LRP1B: variants seen among roughly 807,000 people sequenced by gnomAD.
LRP1B encodes LDL receptor related protein 1B.
Under a neutral mutation model 556.6 loss-of-function variants are expected in LRP1B, and 217 were observed. The ratio of observed to expected loss-of-function variants is 0.39; its 90% CI spans 0.35 to 0.44. The LOEUF (loss-of-function observed/expected upper bound fraction) is 0.44. Among genes scored for constraint, LRP1B ranks in the 20% least tolerant of loss-of-function variants. The probability of loss-of-function intolerance (pLI) is 1.00; values close to 1 mark genes in which losing one functional copy is unlikely to be tolerated. For synonymous variants in LRP1B, 2,047 were observed against 1,865.8 expected (o/e 1.10, Z -2.50); for missense variants, 5,053 against 5,620.8 (o/e 0.90, Z 3.23).
chr2:140,892,913 AT>A (rs1693841736), intron 23 of LRP1B, among the ~76,000 whole-genome samples: 1 of 152,198 alleles, frequency 6.6e-6, no homozygotes, highest in Non-Finnish European at 1.5e-5. Context: ...TATAATACCA[AT>A]TACATAATTA....
chr2:140,522,235 A>G (rs557354653), intron 49 of LRP1B, among the ~76,000 whole-genome samples: 1 of 152,128 alleles, frequency 6.6e-6, no homozygotes, highest in African/African-American at 2.4e-5. Context: ...CTCAGGCCTC[A>G]GTGAAATAAA....
intron 41 of LRP1B, among the ~76,000 whole-genome samples, chr2:140,626,851 A>T (rs1683681641): frequency 6.6e-6 from 1 of 152,170 alleles, no homozygotes; most frequent in African/African-American, 2.4e-5. Context: ...ACAATTTTTA[A>T]ATGCAATATA....
chr2:141,969,895 T>G (rs1701679673), intron 1 of LRP1B, among the ~76,000 whole-genome samples: 1 of 151,650 alleles, frequency 6.6e-6, no homozygotes, highest in Non-Finnish European at 1.5e-5. Flanking sequence ...CCACTAAGGT[T>G]TGTGGAAATA....
chr2:140,987,462 C>T (rs768893524), intron 17 of LRP1B, among the ~76,000 whole-genome samples: 12 of 152,016 alleles, frequency 7.9e-5, no homozygotes, highest in Non-Finnish European at 1.5e-4. Context: ...GTTTTATTTG[C>T]TCTTATACAT....
chr2:141,761,303 T>C (rs1469196828), intron 2 of LRP1B, among the ~76,000 whole-genome samples: 1 of 152,116 alleles, frequency 6.6e-6, no homozygotes, highest in Non-Finnish European at 1.5e-5. Context: ...CCAAAACTCT[T>C]TGTTCATATA....
intron 2 of LRP1B, among the ~76,000 whole-genome samples, chr2:141,800,017 A>G (rs13404180): frequency 0.44 from 66,912 of 151,922 alleles, 15,832 homozygotes; most frequent in Admixed American, 0.55. Context: ...AACAATTTAA[A>G]TCTTCTCTCC....
intron 7 of LRP1B, among the ~76,000 whole-genome samples, chr2:141,158,731 G>C (rs1404996770): frequency 6.6e-6 from 1 of 152,160 alleles, no homozygotes; most frequent in Non-Finnish European, 1.5e-5. Flanking sequence ...CCTTCTGTCT[G>C]CAAACTGTAA....
At chr2:141,139,450 A>C (rs1701576432) in intron 7 of LRP1B, among the ~76,000 whole-genome samples, 3 of 151,850 alleles carry the variant, frequency 2.0e-5, no homozygotes, top group Admixed American at 2.0e-4. Flanking sequence ...TAAGGCTTTT[A>C]TCTGATAAAA....
chr2:140,528,477 T>C (rs1690535654), intron 47 of LRP1B, among the ~76,000 whole-genome samples: 1 of 151,480 alleles, frequency 6.6e-6, no homozygotes, highest in South Asian at 2.1e-4. Flanking sequence ...GAGTAGAAGA[T>C]TTGCAGGATG....
At chr2:141,674,140 A>G (rs997423568) in intron 2 of LRP1B, among the ~76,000 whole-genome samples, 3 of 152,114 alleles carry the variant, frequency 2.0e-5, no homozygotes, top group South Asian at 2.1e-4. Flanking sequence ...AATCTTATAC[A>G]TTAACATGGG....
chr2:140,258,681 T>A (rs1488185253), intron 86 of LRP1B, among the ~76,000 whole-genome samples: 1 of 152,112 alleles, frequency 6.6e-6, no homozygotes, highest in Non-Finnish European at 1.5e-5. Flanking sequence ...ACATTTTTAA[T>A]CCTCAAAACA....
chr2:140,345,859 C>T (rs192696469), intron 77 of LRP1B, among the ~76,000 whole-genome samples: 2,993 of 131,780 alleles, frequency 0.023, 87 homozygotes, highest in African/African-American at 0.052. Flanking sequence ...CACACACACA[C>T]ACATATATAT....
chr2:140,435,237 C>T (rs930360038), intron 66 of LRP1B, among the ~76,000 whole-genome samples: 1 of 150,558 alleles, frequency 6.6e-6, no homozygotes, highest in Admixed American at 6.6e-5. Context: ...ATATTTCTTA[C>T]ATATTTTGTT....
At chr2:141,118,338 G>A in intron 7 of LRP1B, among the ~76,000 whole-genome samples, 1 of 151,806 alleles carries the variant, frequency 6.6e-6, no homozygotes, top group East Asian at 1.9e-4. Flanking sequence ...CCTTGTAGAT[G>A]CACCTCCAAA....
intron 54 of LRP1B, 51 bp from the exon 55 acceptor site, chr2:140,501,925 T>G (rs113701752): frequency 7.6e-7 from 1 of 1,315,362 alleles, no homozygotes; most frequent in Admixed American, 2.3e-5. Flanking sequence ...CATTGTTTTA[T>G]ACTACAGTTG....
At chr2:141,100,640 A>G (rs1040648810) in intron 7 of LRP1B, among the ~76,000 whole-genome samples, 1 of 152,180 alleles carries the variant, frequency 6.6e-6, no homozygotes, top group African/African-American at 2.4e-5. Context: ...CCTAGAAGAA[A>G]GGAAACCTGG....
intron 29 of LRP1B, among the ~76,000 whole-genome samples, chr2:140,843,056 GT>G (rs532264946): frequency 3.6e-5 from 1 of 28,072 alleles, no homozygotes; most frequent in Non-Finnish European, 7.3e-5. Context: ...CTCCAAAGTG[GT>G]TTTTTTTTTG....
At chr2:140,326,250 T>G (rs982828296) in intron 79 of LRP1B, among the ~76,000 whole-genome samples, 1 of 152,202 alleles carries the variant, frequency 6.6e-6, no homozygotes, top group Non-Finnish European at 1.5e-5. Flanking sequence ...ATTCATTATT[T>G]AAATCATTTA....
intron 2 of LRP1B, among the ~76,000 whole-genome samples, chr2:141,539,640 C>T (rs954004776): frequency 2.6e-5 from 4 of 152,100 alleles, no homozygotes; most frequent in African/African-American, 9.7e-5. Context: ...GTTTGCACAA[C>T]TTCCTTGAAA....
Sources: gnomAD v4.1 joint callset for allele counts (sites outside exome capture counted in the v4.1 genomes callset) on GRCh38, gnomAD v4.1.1 for gene constraint, MANE v1.5 for transcripts, NCBI Gene and HGNC (gene_info 2026-07-23, HGNC 2026-07-21) for gene names.